The following HAUS5 variants were observed in gnomAD, a reference collection of about 807,000 sequenced individuals.
HAUS5 encodes HAUS augmin-like complex subunit 5.
A neutral mutation model predicts 94.1 loss-of-function variants in HAUS5; 67 were observed. The ratio of observed to expected loss-of-function variants is 0.71; its 90% CI spans 0.58 to 0.87. The LOEUF (loss-of-function observed/expected upper bound fraction) is 0.87. Ranked by LOEUF, HAUS5 falls within the 40% of genes least tolerant of loss-of-function variation. The pLI, the probability that HAUS5 is intolerant of heterozygous loss-of-function variation, is 0.00. For synonymous variants in HAUS5, 339 were observed against 355.4 expected (o/e 0.95, Z 0.52); for missense variants, 739 against 825.6 (o/e 0.90, Z 1.29).
In HAUS5 at chr19:35,622,854, T is replaced by C. The variant is rs765999961; in HGVS notation, c.1785-22T>C. 1.7e-5 allele frequency: 28 copies of C among 1,609,192 alleles called. No individual in the cohort carries two copies. In the East Asian group the frequency reaches 2.5e-4, roughly 14 times the overall value. On this transcript the variant is annotated intron_variant, in intron 18 of 18. Coordinates refer to ENST00000203166, the MANE Select transcript of HAUS5 (RefSeq NM_015302.2). ...GTCTGGAGGGTCAGTCCTTTCCTCG[T>C]TGACGCCATGCCATTCCCCAGGTGG...
At position 35,624,936 on chromosome 19, in the gene HAUS5, C is replaced by G. The variant is rs1967282530; in HGVS notation, c.*1943C>G. ...CAACTCCTCTCTTGGCCTCCAGAGT[C>G]CCTTTACTCTCCCAGCTTTCCTCCT... is the stretch of plus-strand genomic sequence containing the variant. On this transcript the variant is annotated 3_prime_UTR_variant, in exon 19 of 19. Transcript: ENST00000203166. 1 of 152,292 alleles carries G rather than the reference C, an allele frequency of 6.6e-6. No individual in the cohort carries two copies. Among genetic ancestry groups the G allele is most frequent in the African/African-American group, 2.4e-5 (1 of 41,430 alleles). The allele number at this position is 152,292 out of a possible 1,614,324, so 9.4% of individuals were successfully genotyped here.
At chr19:35,618,735 C>T (rs2146338679) in intron 12 of HAUS5, 36 bp downstream of exon 12, 1 of 1,549,820 alleles carries the variant, frequency 6.5e-7, no homozygotes, top group Non-Finnish European at 8.7e-7. Flanking sequence ...TCTAGGCCAT[C>T]TCGCTTCTGA....
chr19:35,617,601 C>A (rs1393967111), intron 8 of HAUS5, among the ~76,000 whole-genome samples: 1 of 152,024 alleles, frequency 6.6e-6, no homozygotes, highest in Non-Finnish European at 1.5e-5. Context: ...GAGGCAGTGC[C>A]TTTCCCAGCT....
At chr19:35,619,352 G>A (rs1967164653) in intron 13 of HAUS5, 72 bp from the exon 14 acceptor site, 2 of 1,233,714 alleles carry the variant, frequency 1.6e-6, no homozygotes, top group East Asian at 2.4e-5. Context: ...GGCAGAAGCA[G>A]GACCTAAGCA....
chr19:35,614,645 T>C (rs1285489920), intron 4 of HAUS5, among the ~76,000 whole-genome samples: 2 of 152,040 alleles, frequency 1.3e-5, no homozygotes, highest in Non-Finnish European at 1.5e-5. Flanking sequence ...GGGACCTGGA[T>C]ATGTGGCATC....
In HAUS5 at chr19:35,620,120, G is replaced by A. The variant is rs769107549; in HGVS notation, c.1515G>A (p.Gly505=). The part of the protein sequence containing the change: ...ALSHKLGLPP[G]KASELLLPAA... ...GCCACAAGCTGGGGCTGCCTCCAGG[G>A]AAGGTGAGTGCCCGTCTCCTGTGAC... Residue 505 remains glycine, a synonymous_variant, in exon 16 of 19, where the codon GGG becomes GGA. Coordinates refer to ENST00000203166, the MANE Select transcript of HAUS5 (RefSeq NM_015302.2). 9.3e-6 allele frequency: 15 copies of A among 1,613,672 alleles called. No homozygotes were observed. Among genetic ancestry groups the A allele is most frequent in the Middle Eastern group, 3.3e-4 (2 of 6,078 alleles).
At position 35,612,808 on chromosome 19, in the gene HAUS5, A is replaced by T. The variant is rs2071906425; in HGVS notation, c.14A>T (p.Gln5Leu). 1.9e-6 allele frequency: 3 copies of T among 1,547,166 alleles called. No individual in the cohort carries two copies. Among genetic ancestry groups the T allele is most frequent in the African/African-American group, 2.8e-5 (2 of 72,714 alleles). MELA[Q>L]EARELGCWAV... ...CGCGGCGCTGTCATGGAGCTAGCGC[A>T]GGAAGCGCGGGAACTGGGTTGCTGG... The change falls in exon 1 of 19, where the codon CAG becomes CTG. Residue 5 changes from glutamine to leucine, a missense_variant. Transcript: ENST00000203166.
chr19:35,621,398 A>G (rs1162732288), intron 17 of HAUS5, among the ~76,000 whole-genome samples: 1 of 152,132 alleles, frequency 6.6e-6, no homozygotes, highest in Non-Finnish European at 1.5e-5. Flanking sequence ...GCTGGAGTGC[A>G]GTGGTGCCAT....
intron 4 of HAUS5, 137 bp downstream of exon 4, chr19:35,614,196 C>A: frequency 1.3e-6 from 1 of 779,402 alleles, no homozygotes; most frequent in Non-Finnish European, 2.2e-6. Flanking sequence ...CCTCATAGGG[C>A]TTAAAGTCCA....
chr19:35,615,718 T>A (rs539443092), intron 6 of HAUS5, among the ~76,000 whole-genome samples: 5 of 152,136 alleles, frequency 3.3e-5, no homozygotes, highest in Non-Finnish European at 7.3e-5. Flanking sequence ...AGATGAGTGC[T>A]GTGAAGAAAA....
At chr19:35,613,641 T>A (rs2146333532) in intron 1 of HAUS5, 89 bp from the exon 2 acceptor site, 1 of 1,186,610 alleles carries the variant, frequency 8.4e-7, no homozygotes. Flanking sequence ...AACTCCCTAG[T>A]AAAAACTCCC....
In HAUS5 at chr19:35,622,528, T is replaced by C. The variant is rs1003057583; in HGVS notation, c.1652-73T>C. 50 of 1,506,200 alleles carry C rather than the reference T, an allele frequency of 3.3e-5. No individual in the cohort carries two copies. In the South Asian group the frequency reaches 4.3e-4, roughly 13 times the overall value. The allele number at this position is 1,506,200 out of a possible 1,614,324, so 93.3% of individuals were successfully genotyped here. On this transcript the variant is annotated intron_variant, in intron 17 of 18. Transcript: ENST00000203166. The stretch of plus-strand genomic sequence containing the variant: ...AGGTCAAGACTAGGGGACTGGAGAA[T>C]TGGGGACTCATTGCTGTAAGGTACC...
At chr19:35,621,355 T>G (rs914130068) in intron 17 of HAUS5, among the ~76,000 whole-genome samples, 1 of 152,104 alleles carries the variant, frequency 6.6e-6, no homozygotes, top group Non-Finnish European at 1.5e-5. Flanking sequence ...TTGCTTTTGT[T>G]TTTTTGAGAC....
chr19:35,621,435 T>G (rs1967207773), intron 17 of HAUS5, among the ~76,000 whole-genome samples: 1 of 152,156 alleles, frequency 6.6e-6, no homozygotes, highest in South Asian at 2.1e-4. Flanking sequence ...CTCAACCTCC[T>G]GGGCTCAAGC....
In HAUS5 at chr19:35,612,754, G is replaced by C. The variant is rs1332029689; in HGVS notation, c.-41G>C. On this transcript the variant is annotated 5_prime_UTR_variant, in exon 1 of 19. Coordinates refer to ENST00000203166, the MANE Select transcript of HAUS5 (RefSeq NM_015302.2). ...GACGTCAGAGGCGGGCGCCACACTT[G>C]AAGAGGCTGAGGGAGGCGGTGTCGC... The C allele has an allele frequency of 6.9e-7, 1 of 1,455,164 alleles. No individual in the cohort carries two copies. Among genetic ancestry groups the C allele is most frequent in the African/African-American group, 1.4e-5 (1 of 70,062 alleles). The allele number at this position is 1,455,164 out of a possible 1,614,324, so 90.1% of individuals were successfully genotyped here. A position where few individuals can be genotyped will look rare whatever the true frequency, so the allele number is the denominator to read the frequency against.
chr19:35,619,863 A>G, intron 15 of HAUS5, 105 bp downstream of exon 15: 1 of 1,520,414 alleles, frequency 6.6e-7, no homozygotes. Flanking sequence ...CAGTGTTCCC[A>G]GGCTGCCAGA....
intron 8 of HAUS5, 125 bp downstream of exon 8, chr19:35,617,494 G>C (rs1051152969): frequency 3.4e-5 from 22 of 647,276 alleles, no homozygotes; most frequent in Admixed American, 5.6e-5. Flanking sequence ...CTTCCAGGCT[G>C]GGAATAGAAG....
chr19:35,615,453 C>A, intron 6 of HAUS5, 67 bp downstream of exon 6: 1 of 1,211,022 alleles, frequency 8.3e-7, no homozygotes, highest in Non-Finnish European at 1.2e-6. Context: ...CCTCAGGGCT[C>A]TGCCCTGATC....
chr19:35,622,900 CCT>C lies in HAUS5; in HGVS notation c.1814_1815del (p.Ser605Ter), dbSNP rs894556799. On this transcript the variant is annotated frameshift_variant, in exon 19 of 19. Coordinates refer to ENST00000203166, the MANE Select transcript of HAUS5 (RefSeq NM_015302.2). LOFTEE classifies it high-confidence loss of function. ...GGTGGGAGCAGCCAGGCCAGGCCGCCCTCTCTGAGGAGCTCTGCCAGGGCCTG... is the reference window on the plus strand; with the variant it reads ...GGTGGGAGCAGCCAGGCCAGGCCGCCCTCTGAGGAGCTCTGCCAGGGCCTG... ...DWWEQPGQAA[L>X]SEELCQGLSL... The C allele has an allele frequency of 4.2e-5, 68 of 1,613,986 alleles. No homozygotes were observed. Among genetic ancestry groups the C allele is most frequent in the Non-Finnish European group, 5.7e-5 (67 of 1,180,004 alleles).
Sources: gnomAD v4.1 joint callset for allele counts (sites outside exome capture counted in the v4.1 genomes callset) on GRCh38, gnomAD v4.1.1 for gene constraint, MANE v1.5 for transcripts, NCBI Gene and HGNC (gene_info 2026-07-23, HGNC 2026-07-21) for gene names.